Variants in SIPA1L1 observed in about 807,000 individuals in gnomAD.
SIPA1L1 encodes the protein signal induced proliferation associated 1 like 1.
Under a neutral mutation model 162.7 loss-of-function variants are expected in SIPA1L1, and 26 were observed. The ratio of observed to expected loss-of-function variants is 0.16; its 90% CI spans 0.12 to 0.22. SIPA1L1 has a LOEUF of 0.22. SIPA1L1 is among the 10% of genes least tolerant of loss of function. SIPA1L1 has a pLI of 1.00. For missense variants in SIPA1L1, 1,874 were observed against 2,241.0 expected, an observed-to-expected ratio of 0.84 and a Z score of 3.31; for synonymous variants, 829 against 837.4, an observed-to-expected ratio of 0.99 and a Z score of 0.17.
intron 2 of SIPA1L1, among the ~76,000 whole-genome samples, chr14:71,502,284 G>C (rs2050320532): frequency 9.3e-6 from 1 of 107,256 alleles, no homozygotes; most frequent in Non-Finnish European, 1.9e-5. Context: ...ATATATTTGA[G>C]ACAGAGTCTC....
At chr14:71,590,055 A>G (rs1359638655) in intron 5 of SIPA1L1, among the ~76,000 whole-genome samples, 1 of 108,886 alleles carries the variant, frequency 9.2e-6, no homozygotes. Flanking sequence ...ATATATATAT[A>G]TATATATATA....
intron 17 of SIPA1L1, among the ~76,000 whole-genome samples, chr14:71,713,442 A>G (rs2083028590): frequency 6.6e-6 from 1 of 152,248 alleles, no homozygotes; most frequent in Non-Finnish European, 1.5e-5. Context: ...AAACTCTACG[A>G]AGTATGACAA....
chr14:71,320,737 C>T (rs917980371), intron 1 of SIPA1L1, among the ~76,000 whole-genome samples: 4 of 151,112 alleles, frequency 2.6e-5, no homozygotes, highest in Admixed American at 2.0e-4. Context: ...CACCTTGGAC[C>T]TTCGGAGCCC....
intron 2 of SIPA1L1, among the ~76,000 whole-genome samples, chr14:71,497,023 G>A (rs1351083964): frequency 2.0e-5 from 3 of 152,008 alleles, no homozygotes; most frequent in Non-Finnish European, 2.9e-5. Flanking sequence ...ACAGAAATTA[G>A]CTGGGCATGG....
At chr14:71,374,261 A>G (rs1466034266) in intron 2 of SIPA1L1, among the ~76,000 whole-genome samples, 1 of 152,156 alleles carries the variant, frequency 6.6e-6, no homozygotes, top group Non-Finnish European at 1.5e-5. Flanking sequence ...GTAGTATTTT[A>G]CTAAATGCTT....
chr14:71,689,926 C>G (rs2081135466), intron 13 of SIPA1L1, among the ~76,000 whole-genome samples: 1 of 152,332 alleles, frequency 6.6e-6, no homozygotes, highest in South Asian at 2.1e-4. Flanking sequence ...TCTCAGAGAG[C>G]ATAATAGTCA....
At chr14:71,700,315 G>A (rs1011098740) in intron 14 of SIPA1L1, among the ~76,000 whole-genome samples, 1 of 151,700 alleles carries the variant, frequency 6.6e-6, no homozygotes, top group Admixed American at 6.5e-5. Flanking sequence ...GAGAAGATCC[G>A]TGGAGGCTGG....
chr14:71,544,114 C>CACATATATGCACGTGTATGTATAT (rs1168039780), intron 4 of SIPA1L1, among the ~76,000 whole-genome samples: 6 of 142,428 alleles, frequency 4.2e-5, no homozygotes, highest in South Asian at 2.2e-4. Context: ...TATGTATATA[C>CACATATATGCACGTGTATGTATAT]ACATATATGC....
At chr14:71,673,732 T>A (rs1220495831) in intron 12 of SIPA1L1, among the ~76,000 whole-genome samples, 1 of 152,220 alleles carries the variant, frequency 6.6e-6, no homozygotes, top group East Asian at 1.9e-4. Context: ...TTTGAAGAAC[T>A]TCCTTTTGGA....
chr14:71,641,570 A>C (rs1409142300), intron 7 of SIPA1L1, among the ~76,000 whole-genome samples: 8 of 152,142 alleles, frequency 5.3e-5, no homozygotes, highest in Non-Finnish European at 1.2e-4. Flanking sequence ...AAAACACAAA[A>C]AAATTAGCTG....
intron 15 of SIPA1L1, 29 bp from the exon 16 acceptor site, chr14:71,705,193 G>T (rs2082352160): frequency 6.7e-7 from 1 of 1,490,676 alleles, no homozygotes; most frequent in African/African-American, 1.4e-5. Flanking sequence ...CTTAGTGCCT[G>T]CACCATAATG....
chr14:71,588,254 G>T lies in SIPA1L1; in HGVS notation c.382G>T (p.Asp128Tyr). ...QGSSVSLNSN[D>Y]SAMLKSIQNT... is the part of the protein sequence containing the mutation. ...AAGTTCTGTTAGCCTCAATTCCAAT[G>T]ACTCAGCCATGCTGAAAAGCATACA... Residue 128 changes from aspartate (D) to tyrosine (Y), a missense_variant, in exon 5 of 24, where the codon GAC (aspartate) becomes TAC (tyrosine). By Grantham distance (160) the Asp-to-Tyr change is radical. Transcript: ENST00000381232. The surrounding 1 kb of genome is among the most constrained non-coding windows in gnomAD (Gnocchi z 4.3). The T allele has an allele frequency of 6.2e-7, 1 of 1,614,118 alleles. No individual in the cohort carries two copies.
At chr14:71,600,242 TC>T (rs2036568807) in intron 5 of SIPA1L1, among the ~76,000 whole-genome samples, 1 of 152,174 alleles carries the variant, frequency 6.6e-6, no homozygotes, top group Admixed American at 6.5e-5. Context: ...CCTTATAGTT[TC>T]AGGTCATATG....
At chr14:71,372,126 T>C (rs1388961322) in intron 2 of SIPA1L1, among the ~76,000 whole-genome samples, 1 of 152,184 alleles carries the variant, frequency 6.6e-6, no homozygotes, top group Admixed American at 6.5e-5. Context: ...AGGACATGTT[T>C]TTGGTCAGTA....
intron 2 of SIPA1L1, among the ~76,000 whole-genome samples, chr14:71,508,856 G>T (rs552510282): frequency 1.3e-5 from 2 of 152,256 alleles, no homozygotes; most frequent in East Asian, 1.9e-4. Context: ...GTAGTAAGTG[G>T]TAGAACTAAA....
intron 18 of SIPA1L1, 129 bp downstream of exon 18, chr14:71,724,015 G>A: frequency 1.0e-6 from 1 of 999,010 alleles, no homozygotes; most frequent in Non-Finnish European, 1.4e-6. Context: ...TCTGTTGGTG[G>A]GATTATGATT....
chr14:71,463,896 G>C (rs2046792657), intron 2 of SIPA1L1, among the ~76,000 whole-genome samples: 1 of 152,190 alleles, frequency 6.6e-6, no homozygotes, highest in Non-Finnish European at 1.5e-5. Context: ...CTTTGCCTCT[G>C]CTGCCCATTG....
chr14:71,459,504 A>G (rs1258252964), intron 2 of SIPA1L1, among the ~76,000 whole-genome samples: 1 of 152,174 alleles, frequency 6.6e-6, no homozygotes, highest in Non-Finnish European at 1.5e-5. Context: ...ATTAACTTAC[A>G]TGATCACAAG....
At chr14:71,473,653 G>T (rs1449466260) in intron 2 of SIPA1L1, among the ~76,000 whole-genome samples, 2 of 152,216 alleles carry the variant, frequency 1.3e-5, no homozygotes, top group Non-Finnish European at 2.9e-5. Flanking sequence ...TGGATGAGAT[G>T]TAAGTCTGTC....
Sources: allele counts gnomAD v4.1 joint callset (sites outside exome capture counted in the v4.1 genomes callset), GRCh38; gene constraint gnomAD v4.1.1; non-coding constraint Gnocchi (gnomAD v3.1); transcripts MANE v1.5; gene names NCBI Gene and HGNC (gene_info 2026-07-23, HGNC 2026-07-21).